DYM: variants seen among roughly 807,000 people sequenced by gnomAD.
DYM encodes the protein dymeclin, also known as dyggve-Melchior-Clausen syndrome protein.
In DYM, 78 loss-of-function variants were observed where a neutral mutation model predicts 93.1. That is an observed-to-expected ratio of 0.84 (90% CI 0.70 to 1.01). DYM has a LOEUF of 1.01. Among genes scored for constraint, DYM ranks in the 50% least tolerant of loss-of-function variants. DYM has a pLI of 0.00. For synonymous variants in DYM, 321 were observed against 319.7 expected (o/e 1.00, Z -0.04); for missense variants, 789 against 845.0 (o/e 0.93, Z 0.82).
intron 8 of DYM, among the ~76,000 whole-genome samples, chr18:49,317,551 TTCTC>T (rs796373730): frequency 2.7e-4 from 8 of 29,368 alleles, no homozygotes; most frequent in East Asian, 7.5e-4. Context: ...CCATCTAGAT[TTCTC>T]TCTCTCTCTC....
intron 17 of DYM, among the ~76,000 whole-genome samples, chr18:49,083,084 A>T (rs905606832): frequency 1.5e-5 from 2 of 133,652 alleles, no homozygotes; most frequent in African/African-American, 2.5e-5. Context: ...AGGCTTTGTG[A>T]GCCAATATGA....
chr18:49,096,136 A>T (rs2079525362), intron 17 of DYM, among the ~76,000 whole-genome samples: 1 of 152,342 alleles, frequency 6.6e-6, no homozygotes, highest in African/African-American at 2.4e-5. Context: ...ATTTAAAAAA[A>T]TTATCTGGAA....
At chr18:49,282,790 G>A (rs896454672) in intron 9 of DYM, among the ~76,000 whole-genome samples, 4 of 152,028 alleles carry the variant, frequency 2.6e-5, no homozygotes, top group East Asian at 3.9e-4. Context: ...TAACCAGGAC[G>A]TTGAGATAAA....
intron 15 of DYM, among the ~76,000 whole-genome samples, chr18:49,153,189 A>G (rs939461360): frequency 1.3e-5 from 2 of 152,244 alleles, no homozygotes; most frequent in African/African-American, 4.8e-5. Flanking sequence ...CTGTTTCACA[A>G]TGAATACATA....
intron 17 of DYM, among the ~76,000 whole-genome samples, chr18:49,082,328 A>G (rs1208763373): frequency 6.6e-6 from 1 of 152,244 alleles, no homozygotes; most frequent in African/African-American, 2.4e-5. Context: ...ATTCTCCAGT[A>G]TCTTCAAGTA....
intron 17 of DYM, among the ~76,000 whole-genome samples, chr18:49,076,135 A>G (rs2077285264): frequency 2.5e-4 from 1 of 3,998 alleles, no homozygotes. Flanking sequence ...CTCAAAGTAA[A>G]TATTTTCATT....
chr18:49,084,676 A>T (rs1182173563), intron 17 of DYM, among the ~76,000 whole-genome samples: 2 of 152,196 alleles, frequency 1.3e-5, no homozygotes, highest in Admixed American at 1.3e-4. Flanking sequence ...TAGAATGGAG[A>T]AACTGTGAAC....
chr18:49,379,404 C>T (rs185517212), intron 4 of DYM, among the ~76,000 whole-genome samples: 16 of 152,120 alleles, frequency 1.1e-4, no homozygotes, highest in African/African-American at 3.1e-4. Flanking sequence ...ACCTTCTTAA[C>T]GATAATTACA....
chr18:49,318,620 C>A (rs867658542), intron 8 of DYM, among the ~76,000 whole-genome samples: 3 of 151,254 alleles, frequency 2.0e-5, no homozygotes, highest in African/African-American at 7.3e-5. Context: ...GACTCTGTCC[C>A]CCCACAAAAA....
At chr18:49,360,729 T>C (rs920098104) in intron 6 of DYM, among the ~76,000 whole-genome samples, 13 of 152,234 alleles carry the variant, frequency 8.5e-5, no homozygotes, top group African/African-American at 2.9e-4. Flanking sequence ...AGTATATGTG[T>C]TTCCCTTCCC....
At chr18:49,193,248 ACAGAGTAAGAGTTCAATAAAT>A (rs577912098) in intron 14 of DYM, among the ~76,000 whole-genome samples, 108 of 152,240 alleles carry the variant, frequency 7.1e-4, no homozygotes, top group African/African-American at 2.5e-3. Context: ...AGTGGCTATT[ACAGAGTAAGAGTTCAATAAAT>A]GTTAGCTATT....
chr18:49,271,614 T>C (rs1409230792), intron 11 of DYM, among the ~76,000 whole-genome samples: 1 of 152,064 alleles, frequency 6.6e-6, no homozygotes, highest in Non-Finnish European at 1.5e-5. Flanking sequence ...TTATTTTTCA[T>C]TAAAACCTTG....
At chr18:49,430,187 T>A (rs2074677109) in intron 2 of DYM, 68 bp downstream of exon 2, 3 of 1,487,992 alleles carry the variant, frequency 2.0e-6, no homozygotes, top group East Asian at 2.3e-5. Flanking sequence ...AATTTTTTTT[T>A]AATCAGCATA....
At chr18:49,457,028 C>T (rs532455479) in intron 1 of DYM, among the ~76,000 whole-genome samples, 1 of 152,182 alleles carries the variant, frequency 6.6e-6, no homozygotes, top group Non-Finnish European at 1.5e-5. Context: ...AAGATTAGTC[C>T]TCTCTCTGTC....
chr18:49,133,858 T>C (rs2083589703), intron 15 of DYM, among the ~76,000 whole-genome samples: 1 of 152,258 alleles, frequency 6.6e-6, no homozygotes, highest in Non-Finnish European at 1.5e-5. Context: ...CTTTTTGCTA[T>C]GTAACTTAAC....
chr18:49,145,657 A>G (rs952635710), intron 15 of DYM, among the ~76,000 whole-genome samples: 1 of 152,212 alleles, frequency 6.6e-6, no homozygotes, highest in Non-Finnish European at 1.5e-5. Context: ...ATGTGGTGGC[A>G]TATAGAGCTT....
chr18:49,095,063 C>T (rs1223084659), intron 17 of DYM, among the ~76,000 whole-genome samples: 4 of 152,126 alleles, frequency 2.6e-5, no homozygotes, highest in African/African-American at 9.7e-5. Flanking sequence ...ACATCAATAT[C>T]ATGTATGAAA....
intron 13 of DYM, among the ~76,000 whole-genome samples, chr18:49,226,234 A>C (rs1195892712): frequency 1.3e-5 from 2 of 152,170 alleles, no homozygotes; most frequent in Non-Finnish European, 2.9e-5. Context: ...TAAGTATACC[A>C]CTGTCCCTTG....
At chr18:49,357,207 G>A (rs914080545) in intron 6 of DYM, among the ~76,000 whole-genome samples, 2 of 152,238 alleles carry the variant, frequency 1.3e-5, no homozygotes, top group East Asian at 1.9e-4. Context: ...TCTCATCGGG[G>A]TATCTTTTTG....
Sources: gnomAD v4.1 joint callset for allele counts (sites outside exome capture counted in the v4.1 genomes callset) on GRCh38, gnomAD v4.1.1 for gene constraint, MANE v1.5 for transcripts, NCBI Gene and HGNC (gene_info 2026-07-23, HGNC 2026-07-21) for gene names.